Variants in TRPC7 observed in about 807,000 individuals in gnomAD.
The protein encoded by TRPC7 is short transient receptor potential channel 7.
TRPC7 carries 42 observed loss-of-function variants against 90.1 expected under a neutral mutation model. That is an observed-to-expected ratio of 0.47 (90% CI 0.36 to 0.60). TRPC7 has a LOEUF of 0.60. Ranked by LOEUF, TRPC7 falls within the 20% of genes least tolerant of loss-of-function variation. The probability of loss-of-function intolerance (pLI) is 0.00; values close to 1 mark genes in which losing one functional copy is unlikely to be tolerated. For synonymous variants in TRPC7, 451 were observed against 436.3 expected (o/e 1.03, Z -0.42); for missense variants, 955 against 1,112.3 (o/e 0.86, Z 2.01).
rs527314086 is a variant in TRPC7 at position 136,342,293 on chromosome 5, G to A, written c.780+14315C>T. Among the ~76,000 whole-genome samples the A allele has an allele frequency of 4.0e-4, 61 of 152,320 alleles. 1 individual carries two copies. The highest frequency in any genetic ancestry group is 4.3e-4 in the Non-Finnish European group (29 of 68,032). On this transcript the variant is annotated intron_variant, in intron 2 of 11. Coordinates refer to ENST00000513104, the MANE Select transcript of TRPC7 (RefSeq NM_020389.3). ...TCCCTCTGTTCACCAAGCCCATCCTGGAGAGCTGGCCAAGAATATCAAGAA... is the reference window on the plus strand; with the variant it reads ...TCCCTCTGTTCACCAAGCCCATCCTAGAGAGCTGGCCAAGAATATCAAGAA...
intron 10 of TRPC7, among the ~76,000 whole-genome samples, chr5:136,223,063 C>T (rs1275996182): frequency 6.6e-6 from 1 of 152,240 alleles, no homozygotes; most frequent in Non-Finnish European, 1.5e-5. Flanking sequence ...TTTCTCTCAG[C>T]CCCTTTCCTC....
At chr5:136,314,578 A>T (rs576193545) in intron 3 of TRPC7, among the ~76,000 whole-genome samples, 36 of 152,322 alleles carry the variant, frequency 2.4e-4, no homozygotes, top group Non-Finnish European at 4.4e-4. Context: ...ATATCAAAGT[A>T]AAAGGGCAGG....
intron 3 of TRPC7, among the ~76,000 whole-genome samples, chr5:136,285,942 C>A (rs1409446612): frequency 6.6e-6 from 1 of 152,134 alleles, no homozygotes; most frequent in Non-Finnish European, 1.5e-5. Flanking sequence ...TGTCCTCTAA[C>A]CCTGCTTTCT....
intron 3 of TRPC7, among the ~76,000 whole-genome samples, chr5:136,306,647 T>A (rs1213204714): frequency 6.6e-6 from 1 of 152,160 alleles, no homozygotes. Context: ...TAACTGAAGA[T>A]CCACAAAAGA....
chr5:136,323,823 C>T (rs980305101), intron 2 of TRPC7, among the ~76,000 whole-genome samples: 4 of 152,066 alleles, frequency 2.6e-5, no homozygotes, highest in Non-Finnish European at 4.4e-5. Context: ...CTTCCCTTTA[C>T]GTATAAATTT....
chr5:136,217,715 T>TA (rs1250391583), intron 10 of TRPC7, among the ~76,000 whole-genome samples: 2 of 152,160 alleles, frequency 1.3e-5, no homozygotes, highest in Admixed American at 6.5e-5. Flanking sequence ...ATCTAAGTTA[T>TA]AAAAAATATA....
At chr5:136,243,783 C>T (rs981518607) in intron 7 of TRPC7, among the ~76,000 whole-genome samples, 5 of 152,084 alleles carry the variant, frequency 3.3e-5, no homozygotes, top group African/African-American at 1.2e-4. Flanking sequence ...CTCCACTTCA[C>T]TGCTCTATTG....
At position 136,286,209 on chromosome 5, in the gene TRPC7, G is replaced by A. The variant is rs192811147; in HGVS notation, c.964-11372C>T. Among the ~76,000 whole-genome samples, 27 of 152,238 alleles carry A rather than the reference G, an allele frequency of 1.8e-4. No individual in the cohort carries two copies. In the East Asian group the frequency reaches 5.0e-3, roughly 28 times the overall value. ...AACTCTCACTCCTCTCTCCTCCTGA[G>A]GTAAACGGCATTTCCAAAGATGGTG... On this transcript the variant is annotated intron_variant, in intron 3 of 11. Transcript: ENST00000513104.
chr5:136,284,038 C>T (rs986604042), intron 3 of TRPC7, among the ~76,000 whole-genome samples: 2 of 152,236 alleles, frequency 1.3e-5, no homozygotes, highest in Non-Finnish European at 2.9e-5. Context: ...ACTCTGCCAT[C>T]CAAGGCTTCA....
chr5:136,344,451 G>T (rs1479061260), intron 2 of TRPC7, among the ~76,000 whole-genome samples: 1 of 152,154 alleles, frequency 6.6e-6, no homozygotes, highest in East Asian at 1.9e-4. Context: ...AAAATTTTTT[G>T]AAATGTGGGT....
chr5:136,309,957 C>T (rs961684007), intron 3 of TRPC7, among the ~76,000 whole-genome samples: 3 of 152,092 alleles, frequency 2.0e-5, no homozygotes, highest in African/African-American at 7.2e-5. Flanking sequence ...ATCTTTACAA[C>T]CACTCCTGAT....
chr5:136,213,344 G>A lies in TRPC7; in HGVS notation c.*91C>T. On this transcript the variant is annotated 3_prime_UTR_variant, in exon 12 of 12. Coordinates refer to ENST00000513104, the MANE Select transcript of TRPC7 (RefSeq NM_020389.3). ...TCCCCTTCGTGTCCTAGAGGAGTGG[G>A]CTGGGGACCCCTCCCCACCAAGGAT... 3 of 1,391,962 alleles carry A rather than the reference G, an allele frequency of 2.2e-6. No homozygotes were observed. In the African/African-American group the frequency reaches 4.3e-5, roughly 20 times the overall value. The allele number at this position is 1,391,962 out of a possible 1,614,324, so 86.2% of individuals were successfully genotyped here.
At chr5:136,227,479 A>G (rs1755665263) in intron 8 of TRPC7, among the ~76,000 whole-genome samples, 1 of 152,198 alleles carries the variant, frequency 6.6e-6, no homozygotes, top group Admixed American at 6.5e-5. Flanking sequence ...GCAAGGGCCC[A>G]GGAGAGGCTG....
chr5:136,273,038 G>T (rs921290697), intron 4 of TRPC7, among the ~76,000 whole-genome samples: 1 of 152,330 alleles, frequency 6.6e-6, no homozygotes, highest in Admixed American at 6.5e-5. Context: ...GTTTGCTCCT[G>T]TTGGCAAGTC....
intron 2 of TRPC7, among the ~76,000 whole-genome samples, chr5:136,317,602 T>C (rs1176590776): frequency 6.6e-6 from 1 of 152,220 alleles, no homozygotes; most frequent in Non-Finnish European, 1.5e-5. Context: ...ATCTCCTCTG[T>C]GGCAACTCAG....
chr5:136,281,693 C>T (rs191619347), intron 3 of TRPC7, among the ~76,000 whole-genome samples: 14 of 152,284 alleles, frequency 9.2e-5, no homozygotes, highest in Admixed American at 6.5e-5. Context: ...TGGTGAGGAA[C>T]TGAGTAGCCT....
At chr5:136,274,534 C>T (rs1386845110) in intron 4 of TRPC7, 139 bp downstream of exon 4, 1 of 960,322 alleles carries the variant, frequency 1.0e-6, no homozygotes, top group Non-Finnish European at 1.4e-6. Context: ...TGGTTTCCTA[C>T]TTTCACCGGG....
chr5:136,290,237 C>T (rs1288644385), intron 3 of TRPC7, among the ~76,000 whole-genome samples: 1 of 152,200 alleles, frequency 6.6e-6, no homozygotes, highest in African/African-American at 2.4e-5. Flanking sequence ...CAGAGCGCCT[C>T]TCCTCATCCA....
chr5:136,284,893 G>C (rs945642897), intron 3 of TRPC7, among the ~76,000 whole-genome samples: 3 of 152,216 alleles, frequency 2.0e-5, no homozygotes, highest in African/African-American at 7.2e-5. Context: ...GCCTGTGACT[G>C]TGCCTGTGAC....
Sources: gnomAD v4.1 joint callset for allele counts (sites outside exome capture counted in the v4.1 genomes callset) on GRCh38, gnomAD v4.1.1 for gene constraint, MANE v1.5 for transcripts, NCBI Gene and HGNC (gene_info 2026-07-23, HGNC 2026-07-21) for gene names.